The following DCHS2 variants were observed in gnomAD, a reference collection of about 807,000 sequenced individuals.
DCHS2 encodes protocadherin-23.
Under a neutral mutation model 182.4 loss-of-function variants are expected in DCHS2, and 142 were observed. The ratio of observed to expected loss-of-function variants is 0.78; its 90% CI spans 0.68 to 0.89. DCHS2 has a LOEUF of 0.89. Ranked by LOEUF, DCHS2 falls within the 40% of genes least tolerant of loss-of-function variation. The pLI, the probability that DCHS2 is intolerant of heterozygous loss-of-function variation, is 0.00. For missense variants in DCHS2, 4,319 were observed against 4,198.6 expected (o/e 1.03, Z -0.79); for synonymous variants, 1,740 against 1,663.3 (o/e 1.05, Z -1.12).
At chr4:154,290,716 G>A (rs1311238616) in intron 13 of DCHS2, among the ~76,000 whole-genome samples, 2 of 152,052 alleles carry the variant, frequency 1.3e-5, no homozygotes, top group African/African-American at 2.4e-5. Flanking sequence ...AAATGGTGCT[G>A]GAAAAACTGT....
chr4:154,427,710 G>A (rs1326133854), intron 1 of DCHS2, among the ~76,000 whole-genome samples: 1 of 152,200 alleles, frequency 6.6e-6, no homozygotes, highest in Non-Finnish European at 1.5e-5. Context: ...ACAGACAGAG[G>A]TGATAGTGTC....
intron 1 of DCHS2, among the ~76,000 whole-genome samples, chr4:154,410,470 C>CAAAAAAAAAAAAA (rs61280673): frequency 8.5e-5 from 6 of 70,356 alleles, no homozygotes; most frequent in African/African-American, 1.5e-4. Context: ...ACCCAGAGGG[C>CAAAAAAAAAAAAA]AAAAAAAAAA....
At chr4:154,252,023 T>C (rs1357852656) in intron 16 of DCHS2, among the ~76,000 whole-genome samples, 1 of 151,666 alleles carries the variant, frequency 6.6e-6, no homozygotes, top group African/African-American at 2.4e-5. Flanking sequence ...AATACATTCA[T>C]ATTTAGTAGA....
chr4:154,396,842 C>T (rs928521649), intron 1 of DCHS2, among the ~76,000 whole-genome samples: 2 of 152,192 alleles, frequency 1.3e-5, no homozygotes, highest in Non-Finnish European at 2.9e-5. Context: ...CAGATGCCCG[C>T]AGCTGAGGTA....
chr4:154,293,506 C>T (rs1341291620), intron 13 of DCHS2, among the ~76,000 whole-genome samples: 2 of 152,186 alleles, frequency 1.3e-5, no homozygotes, highest in Non-Finnish European at 2.9e-5. Context: ...TTTAAATCTC[C>T]CTTGGTATTT....
chr4:154,396,289 G>A (rs570404345), intron 1 of DCHS2, among the ~76,000 whole-genome samples: 1 of 151,890 alleles, frequency 6.6e-6, no homozygotes, highest in African/African-American at 2.4e-5. Flanking sequence ...AATGGGAGAT[G>A]GAAGGAAGGG....
chr4:154,386,654 C>A (rs1365851416), intron 1 of DCHS2, among the ~76,000 whole-genome samples: 1 of 152,182 alleles, frequency 6.6e-6, no homozygotes, highest in Non-Finnish European at 1.5e-5. Flanking sequence ...CTAACCACCC[C>A]TGCTGCATCT....
At chr4:154,386,986 G>T (rs896288754) in intron 1 of DCHS2, among the ~76,000 whole-genome samples, 3 of 152,056 alleles carry the variant, frequency 2.0e-5, no homozygotes, top group Non-Finnish European at 4.4e-5. Flanking sequence ...AAAAAGAAAA[G>T]AAAACTATCT....
At chr4:154,485,527 G>A (rs1394771051) in intron 1 of DCHS2, among the ~76,000 whole-genome samples, 1 of 152,118 alleles carries the variant, frequency 6.6e-6, no homozygotes, top group Non-Finnish European at 1.5e-5. Context: ...GGAAGGAGAT[G>A]GAGAACACAC....
chr4:154,365,477 GT>G (rs909605502), intron 3 of DCHS2, among the ~76,000 whole-genome samples: 15 of 146,288 alleles, frequency 1.0e-4, no homozygotes, highest in East Asian at 7.9e-4. Flanking sequence ...TTACTTTTTT[GT>G]TTTTTTTTTG....
chr4:154,440,494 G>T (rs546366096), intron 1 of DCHS2, among the ~76,000 whole-genome samples: 30 of 152,026 alleles, frequency 2.0e-4, no homozygotes, highest in African/African-American at 5.3e-4. Flanking sequence ...CTAATTGCCC[G>T]CATGAAATTT....
At chr4:154,276,565 T>A (rs1733863635) in intron 13 of DCHS2, among the ~76,000 whole-genome samples, 2 of 152,242 alleles carry the variant, frequency 1.3e-5, no homozygotes, top group African/African-American at 2.4e-5. Context: ...TTCTTATTGA[T>A]GACTGACTTG....
Position 154,236,535 on chromosome 4 carries a change from G to A in DCHS2, c.8117C>T (p.Ser2706Phe). The A allele has an allele frequency of 6.2e-7, 1 of 1,613,986 alleles. No individual in the cohort carries two copies. Among genetic ancestry groups the A allele is most frequent in the Non-Finnish European group, 8.5e-7 (1 of 1,179,962 alleles). The change falls in exon 20 of 20, where the codon TCT (serine) becomes TTT (phenylalanine). Residue 2706 changes from serine to phenylalanine, a missense_variant. Transcript: ENST00000357232. ...GTAAAAATGTCCCTTCTCATTTCCAGAGATGATGTTGTAGATGATTTCTGC... is the reference window on the plus strand; with the variant it reads ...GTAAAAATGTCCCTTCTCATTTCCAAAGATGATGTTGTAGATGATTTCTGC... ...SHAEIIYNII[S>F]GNEKGHFYLE...
intron 1 of DCHS2, among the ~76,000 whole-genome samples, chr4:154,444,451 C>T (rs187592982): frequency 1.3e-5 from 2 of 152,278 alleles, no homozygotes; most frequent in East Asian, 3.9e-4. Context: ...GCATTGCCCT[C>T]ATCCAGTTCA....
intron 9 of DCHS2, among the ~76,000 whole-genome samples, chr4:154,319,760 T>A (rs1735986895): frequency 6.6e-6 from 1 of 151,190 alleles, no homozygotes; most frequent in Non-Finnish European, 1.5e-5. Context: ...TTACAGCCAC[T>A]ATGGAAAATA....
chr4:154,480,271 T>C (rs1364573169), intron 1 of DCHS2, among the ~76,000 whole-genome samples: 20 of 152,186 alleles, frequency 1.3e-4, no homozygotes, highest in Non-Finnish European at 2.9e-5. Flanking sequence ...AAAATAATAT[T>C]TAATCGCTTG....
chr4:154,415,236 C>T (rs1300790255), intron 1 of DCHS2, among the ~76,000 whole-genome samples: 1 of 152,226 alleles, frequency 6.6e-6, no homozygotes, highest in African/African-American at 2.4e-5. Context: ...CAATCAATTA[C>T]AAGGATTCAT....
chr4:154,434,903 C>T (rs1010947455), intron 1 of DCHS2, among the ~76,000 whole-genome samples: 5 of 152,116 alleles, frequency 3.3e-5, no homozygotes, highest in African/African-American at 4.8e-5. Context: ...CCAAAGTCAT[C>T]AAAACCAAGG....
In DCHS2 at chr4:154,305,135, A is replaced by G. The variant is rs1373959854; in HGVS notation, c.5357T>C (p.Ile1786Thr). 2.5e-6 allele frequency: 4 copies of G among 1,612,768 alleles called. No homozygotes were observed. Among genetic ancestry groups the G allele is most frequent in the Admixed American group, 1.7e-5 (1 of 59,984 alleles). Residue 1786 changes from isoleucine (I) to threonine (T), a missense_variant, in exon 11 of 20, where the codon ATA (isoleucine) becomes ACA (threonine). Coordinates refer to ENST00000357232, the MANE Select transcript of DCHS2 (RefSeq NM_001358235.2). ...SDTGEVVTTT[I>T]LDREIQEVFT... ...GACTTCTTGAATTTCTCTGTCAAGT[A>G]TGGTGGTTGTCACTACCTCTCCAGT...
Sources: allele counts gnomAD v4.1 joint callset (sites outside exome capture counted in the v4.1 genomes callset), GRCh38; gene constraint gnomAD v4.1.1; transcripts MANE v1.5; gene names NCBI Gene and HGNC (gene_info 2026-07-23, HGNC 2026-07-21).